Variants in WDR5 observed in about 807,000 individuals in gnomAD.
The protein encoded by WDR5 is WD repeat-containing protein 5.
For synonymous variants in WDR5, 144 were observed against 161.6 expected, an observed-to-expected ratio of 0.89 and a Z score of 0.83; for missense variants, 187 against 416.9, an observed-to-expected ratio of 0.45 and a Z score of 4.80.
At chr9:134,148,877 C>T (rs1308361904) in intron 8 of WDR5, among the ~76,000 whole-genome samples, 1 of 152,158 alleles carries the variant, frequency 6.6e-6, no homozygotes, top group Non-Finnish European at 1.5e-5. Flanking sequence ...GTGTCCAGCA[C>T]TCCTCAGGAG....
chr9:134,155,284 TGGGG>T, intron 10 of WDR5, 52 bp from the exon 11 acceptor site: 1 of 1,511,640 alleles, frequency 6.6e-7, no homozygotes, highest in Non-Finnish European at 8.8e-7. Context: ...GAGTTGGGTG[TGGGG>T]ACAGAAGGAT....
At chr9:134,152,641 G>A (rs959490153) in intron 9 of WDR5, among the ~76,000 whole-genome samples, 2 of 152,248 alleles carry the variant, frequency 1.3e-5, no homozygotes, top group Non-Finnish European at 2.9e-5. Context: ...TAGGCTAGAT[G>A]TGTGGGATGG....
At chr9:134,150,627 A>G (rs1588176481) in intron 8 of WDR5, among the ~76,000 whole-genome samples, 1 of 152,206 alleles carries the variant, frequency 6.6e-6, no homozygotes, top group East Asian at 1.9e-4. Flanking sequence ...ATATGTTTGC[A>G]TGTTTTAAAA....
At chr9:134,155,264 A>G (rs1241195855) in intron 10 of WDR5, 76 bp from the exon 11 acceptor site, 3 of 1,457,798 alleles carry the variant, frequency 2.1e-6, no homozygotes, top group South Asian at 3.0e-5. Flanking sequence ...GCTGTGACGT[A>G]GTGGCTGCAG....
intron 8 of WDR5, among the ~76,000 whole-genome samples, chr9:134,150,315 C>T (rs185598163): frequency 3.1e-4 from 47 of 152,326 alleles, no homozygotes; most frequent in African/African-American, 8.9e-4. Flanking sequence ...TCTAATTCTA[C>T]CAACAGATTA....
At chr9:134,141,406 G>A in intron 3 of WDR5, 104 bp from the exon 4 acceptor site, 1 of 1,114,114 alleles carries the variant, frequency 9.0e-7, no homozygotes, top group Non-Finnish European at 1.3e-6. Flanking sequence ...TGTGGTTCAT[G>A]CTGATCACCT....
intron 8 of WDR5, among the ~76,000 whole-genome samples, chr9:134,148,806 C>G (rs1832346789): frequency 6.6e-6 from 1 of 152,106 alleles, no homozygotes; most frequent in African/African-American, 2.4e-5. Context: ...GTGACAGGGT[C>G]TCCTGCAGAA....
In WDR5 at chr9:134,158,195, T is replaced by G; in HGVS notation, c.*202T>G. The G allele has an allele frequency of 1.8e-6, 1 of 552,378 alleles. No homozygotes were observed. Among genetic ancestry groups the G allele is most frequent in the Non-Finnish European group, 3.3e-6 (1 of 307,364 alleles). 34.2% of individuals were successfully genotyped at this position (552,378 alleles called of 1,614,324 possible). A position where few individuals can be genotyped will look rare whatever the true frequency, so the allele number is the denominator to read the frequency against. ...CTTAAAAGTTGCTGGTGACATTTCTTGCCAATTCTAACACTGTCTAGGGAA... is the reference window on the plus strand; with the variant it reads ...CTTAAAAGTTGCTGGTGACATTTCTGGCCAATTCTAACACTGTCTAGGGAA... On this transcript the variant is annotated 3_prime_UTR_variant, in exon 14 of 14. Transcript: ENST00000358625.
chr9:134,156,384 G>A, intron 12 of WDR5, 122 bp from the exon 13 acceptor site: 1 of 972,458 alleles, frequency 1.0e-6, no homozygotes, highest in Non-Finnish European at 1.6e-6. Context: ...GTTGAGTTCA[G>A]CGAGGCAGCC....
chr9:134,153,862 C>T (rs750975669), intron 9 of WDR5, among the ~76,000 whole-genome samples: 1 of 152,162 alleles, frequency 6.6e-6, no homozygotes, highest in Non-Finnish European at 1.5e-5. Context: ...TTCTGAGGGT[C>T]GTGGGGTTGC....
At position 134,155,677 on chromosome 9, in the gene WDR5, T is replaced by C; in HGVS notation, c.742-16T>C. The C allele has an allele frequency of 6.2e-7, 1 of 1,613,498 alleles. No individual in the cohort carries two copies. Among genetic ancestry groups the C allele is most frequent in the Non-Finnish European group, 8.5e-7 (1 of 1,179,532 alleles). ...GAACCATGACTCTGTGACCAGCCTG[T>C]CCCCTCCTGTTTCAGTGCCTGAAGA... On this transcript the variant is annotated splice_polypyrimidine_tract_variant and intron_variant, in intron 11 of 13. Transcript: ENST00000358625.
At position 134,140,098 on chromosome 9, in the gene WDR5, T is replaced by G. The variant is rs1413119358; in HGVS notation, c.81+140T>G. ...AATTTTTATTTACTGACCGCATATC[T>G]GGCGAATGCTTGTTGCCTGCTGTGT... On this transcript the variant is annotated intron_variant, in intron 2 of 13. Transcript: ENST00000358625. 3 of 996,822 alleles carry G rather than the reference T, an allele frequency of 3.0e-6. No homozygotes were observed. In the African/African-American group the frequency reaches 4.8e-5, roughly 16 times the overall value. 61.7% of individuals were successfully genotyped at this position (996,822 alleles called of 1,614,324 possible). A position where few individuals can be genotyped will look rare whatever the true frequency, so the allele number is the denominator to read the frequency against.
intron 9 of WDR5, among the ~76,000 whole-genome samples, chr9:134,153,581 G>A (rs1216713261): frequency 3.3e-5 from 5 of 152,216 alleles, no homozygotes; most frequent in South Asian, 2.1e-4. Context: ...GGGAGGGACC[G>A]CATGGCCTCA....
Position 134,154,360 on chromosome 9 carries a change from G to A in WDR5, c.632-106G>A, listed in dbSNP as rs944452518. ...GGTGCTGGCACTGATGGTGGTGGCC[G>A]ACCTCACTCAGATGTCGCACGTGGG... On this transcript the variant is annotated intron_variant, in intron 9 of 13. Coordinates refer to ENST00000358625, the MANE Select transcript of WDR5 (RefSeq NM_017588.3). 2.0e-5 allele frequency: 23 copies of A among 1,165,156 alleles called. No homozygotes were observed. The Admixed American group carries it at 2.9e-4, about 15-fold the overall frequency. The allele number at this position is 1,165,156 out of a possible 1,614,324, so 72.2% of individuals were successfully genotyped here. A position where few individuals can be genotyped will look rare whatever the true frequency, so the allele number is the denominator to read the frequency against.
At chr9:134,156,688 T>G in intron 13 of WDR5, 95 bp downstream of exon 13, 1 of 1,232,440 alleles carries the variant, frequency 8.1e-7, no homozygotes, top group South Asian at 1.3e-5. Flanking sequence ...TGCCGTCGTC[T>G]TCCCCTTCCC....
intron 7 of WDR5, among the ~76,000 whole-genome samples, chr9:134,146,805 G>A (rs770939382): frequency 7.2e-5 from 11 of 152,240 alleles, no homozygotes; most frequent in Non-Finnish European, 1.2e-4. Context: ...TTTAAAGGTA[G>A]GGATGAATGT....
chr9:134,139,710 A>G (rs917459447), intron 1 of WDR5, 110 bp from the exon 2 acceptor site: 1 of 684,158 alleles, frequency 1.5e-6, no homozygotes, highest in Non-Finnish European at 2.4e-6. Flanking sequence ...TGTTTGCTAC[A>G]GGGCTCAATA....
At chr9:134,155,255 C>T in intron 10 of WDR5, 85 bp from the exon 11 acceptor site, 1 of 1,436,146 alleles carries the variant, frequency 7.0e-7, no homozygotes, top group South Asian at 1.5e-5. Context: ...CTGATGGTGG[C>T]TGTGACGTAG....
rs1161458407 is a variant in WDR5 at position 134,141,598 on chromosome 9, T to C, written c.264+15T>C. ...GTCACAAGCTGGTAGGTTTCAGCCCTGTGCGGTGAAGTTGACTGTTGAACA... is the reference window on the plus strand; with the variant it reads ...GTCACAAGCTGGTAGGTTTCAGCCCCGTGCGGTGAAGTTGACTGTTGAACA... On this transcript the variant is annotated intron_variant, in intron 4 of 13. Transcript: ENST00000358625. The C allele has an allele frequency of 3.1e-6, 5 of 1,614,066 alleles. No homozygotes were observed. Among genetic ancestry groups the C allele is most frequent in the Admixed American group, 1.7e-5 (1 of 60,032 alleles).
Sources: allele counts gnomAD v4.1 joint callset (sites outside exome capture counted in the v4.1 genomes callset), GRCh38; gene constraint gnomAD v4.1.1; transcripts MANE v1.5; gene names NCBI Gene and HGNC (gene_info 2026-07-23, HGNC 2026-07-21).